Variants in MINDY4 observed in about 807,000 individuals in gnomAD.
MINDY4 encodes the protein MINDY lysine 48 deubiquitinase 4.
A neutral mutation model predicts 87.0 loss-of-function variants in MINDY4; 68 were observed. That is an observed-to-expected ratio of 0.78 (90% CI 0.64 to 0.96). The LOEUF (loss-of-function observed/expected upper bound fraction) is 0.96. Ranked by LOEUF, MINDY4 falls within the 40% of genes least tolerant of loss-of-function variation. The probability of loss-of-function intolerance (pLI) is 0.00; values close to 1 mark genes in which losing one functional copy is unlikely to be tolerated. For synonymous variants in MINDY4, 379 were observed against 363.2 expected, an observed-to-expected ratio of 1.04 and a Z score of -0.50; for missense variants, 919 against 928.2, an observed-to-expected ratio of 0.99 and a Z score of 0.13.
rs1283184542 is a variant in MINDY4 at position 30,875,529 on chromosome 7, T to C, written c.1844T>C (p.Val615Ala). Residue 615 changes from valine to alanine, a missense_variant, in exon 15 of 18, where the codon GTG becomes GCG. Physicochemically the swap from Val to Ala is moderately conservative, Grantham distance 64. Coordinates refer to ENST00000265299, the MANE Select transcript of MINDY4 (RefSeq NM_032222.3). ...LVNLLLTGKAVSNVFNDVVEL... is the reference protein window; with the variant it reads ...LVNLLLTGKAASNVFNDVVEL... The stretch of plus-strand genomic sequence containing the variant: ...AATCTGCTCCTGACTGGGAAAGCTG[T>C]GTCCAACGTTTTCAACGATGTGGTT... The C allele has an allele frequency of 6.2e-7, 1 of 1,614,266 alleles. No homozygotes were observed. The highest frequency in any genetic ancestry group is 8.5e-7 in the Non-Finnish European group (1 of 1,180,050).
chr7:30,796,790 A>G (rs1787502560), intron 5 of MINDY4: 2 of 152,110 alleles, frequency 1.3e-5, no homozygotes, highest in African/African-American at 4.8e-5. Context: ...TAAAGCCTCC[A>G]TCACAGATGT....
In MINDY4 at chr7:30,791,499, G is replaced by C. The variant is rs766204953; in HGVS notation, c.998G>C (p.Gly333Ala). 3.1e-6 allele frequency: 5 copies of C among 1,613,864 alleles called. No homozygotes were observed. The highest frequency in any genetic ancestry group is 4.2e-6 in the Non-Finnish European group (5 of 1,179,938). ...DRMPLKLYLP[G>A]GNSRMTQERL... is the part of the protein sequence containing the mutation. ...ATGCCCTTGAAGCTCTACTTGCCTG[G>C]TGGTAATTCCAGGATGACCCAGGAG... The change falls in exon 5 of 18, where the codon GGT becomes GCT. Residue 333 changes from glycine (G) to alanine (A), a missense_variant. Physicochemically the swap from Gly to Ala is moderately conservative, Grantham distance 60. Coordinates refer to ENST00000265299, the MANE Select transcript of MINDY4 (RefSeq NM_032222.3).
At chr7:30,890,972 A>G (rs1279645877) in intron 17 of MINDY4, among the ~76,000 whole-genome samples, 1 of 152,162 alleles carries the variant, frequency 6.6e-6, no homozygotes, top group Non-Finnish European at 1.5e-5. Context: ...TGAAGTGAGA[A>G]AAGCTTCCCC....
intron 2 of MINDY4, 91 bp downstream of exon 2, chr7:30,778,642 T>C: frequency 6.8e-7 from 1 of 1,480,048 alleles, no homozygotes; most frequent in South Asian, 1.2e-5. Context: ...CAGGAGAGGC[T>C]TGAGGTTCTC....
intron 3 of MINDY4, among the ~76,000 whole-genome samples, chr7:30,783,264 C>G (rs1562529238): frequency 6.6e-6 from 1 of 152,122 alleles, no homozygotes; most frequent in African/African-American, 2.4e-5. Flanking sequence ...ACTCTAGCCT[C>G]TGCTTGTGTT....
intron 5 of MINDY4, among the ~76,000 whole-genome samples, chr7:30,818,696 T>A (rs940654901): frequency 6.6e-6 from 1 of 152,224 alleles, no homozygotes; most frequent in African/African-American, 2.4e-5. Flanking sequence ...AACACATCAG[T>A]AAAACTCTTC....
intron 16 of MINDY4, 90 bp downstream of exon 16, chr7:30,882,451 A>C: frequency 4.6e-6 from 5 of 1,080,506 alleles, no homozygotes; most frequent in Non-Finnish European, 5.0e-6. Flanking sequence ...TCCACCACCA[A>C]CCCCCATGAC....
At chr7:30,785,711 G>A in intron 3 of MINDY4, 38 bp from the exon 4 acceptor site, 1 of 1,610,276 alleles carries the variant, frequency 6.2e-7, no homozygotes, top group Non-Finnish European at 8.5e-7. Flanking sequence ...GATTCCTTTT[G>A]GGGAGTCTGT....
chr7:30,828,594 C>A, intron 5 of MINDY4, 85 bp from the exon 6 acceptor site: 1 of 1,368,638 alleles, frequency 7.3e-7, no homozygotes, highest in Non-Finnish European at 1.0e-6. Flanking sequence ...TCCTGAATGC[C>A]TATCCATCGC....
chr7:30,798,963 C>T (rs1486868914), intron 5 of MINDY4, among the ~76,000 whole-genome samples: 2 of 152,130 alleles, frequency 1.3e-5, no homozygotes, highest in African/African-American at 4.8e-5. Context: ...TTTATTGAAG[C>T]TGTTTAAGAG....
chr7:30,889,157 A>G (rs1467177983), intron 17 of MINDY4, among the ~76,000 whole-genome samples: 3 of 152,208 alleles, frequency 2.0e-5, no homozygotes, highest in East Asian at 1.9e-4. Context: ...TTAGTGTCCA[A>G]GATTTCAATG....
At chr7:30,835,891 C>T (rs1484376171) in intron 6 of MINDY4, among the ~76,000 whole-genome samples, 2 of 152,234 alleles carry the variant, frequency 1.3e-5, no homozygotes, top group East Asian at 1.9e-4. Flanking sequence ...GGGGAAGTCA[C>T]AGCTGGGACC....
At position 30,840,776 on chromosome 7, in the gene MINDY4, T is replaced by G. The variant is rs1584300208; in HGVS notation, c.1373T>G (p.Val458Gly). 1 of 1,614,048 alleles carries G rather than the reference T, an allele frequency of 6.2e-7. No individual in the cohort carries two copies. The highest frequency in any genetic ancestry group is 8.5e-7 in the Non-Finnish European group (1 of 1,179,978). ...TCTTTGCAGGGTGGTCCTTGCGGAG[T>G]CCTGGCAGCTGTCCAAGGCTGTGTC... ...IVQNKGGPCGVLAAVQGCVLQ... is the reference protein window; with the variant it reads ...IVQNKGGPCGGLAAVQGCVLQ... The change falls in exon 9 of 18, where the codon GTC (valine) becomes GGC (glycine). Residue 458 changes from valine to glycine, a missense_variant. Coordinates refer to ENST00000265299, the MANE Select transcript of MINDY4 (RefSeq NM_032222.3).
chr7:30,791,202 C>T lies in MINDY4; in HGVS notation c.701C>T (p.Pro234Leu), dbSNP rs957237326. 1.2e-5 allele frequency: 20 copies of T among 1,613,822 alleles called. No homozygotes were observed. Among genetic ancestry groups the T allele is most frequent in the African/African-American group, 9.3e-5 (7 of 74,916 alleles). Residue 234 changes from proline (P) to leucine (L), a missense_variant, in exon 5 of 18, where the codon CCG (proline) becomes CTG (leucine). Physicochemically the swap from Pro to Leu is moderately conservative, Grantham distance 98 (BLOSUM62 -3). Transcript: ENST00000265299. ...AGACACTATCTGAGACGGTCCTCAC[C>T]GTCAAGCAGCTCCACCCAACCCCAA... is the stretch of plus-strand genomic sequence containing the variant. ...FHRHYLRRSS[P>L]SSSSTQPQEE...
At chr7:30,868,618 T>C (rs1192190705) in intron 13 of MINDY4, among the ~76,000 whole-genome samples, 3 of 152,192 alleles carry the variant, frequency 2.0e-5, no homozygotes, top group Non-Finnish European at 2.9e-5. Context: ...TCTCTGGGCA[T>C]TCATCTGACC....
chr7:30,863,322 A>G (rs1189871257), intron 13 of MINDY4, among the ~76,000 whole-genome samples: 2 of 152,218 alleles, frequency 1.3e-5, no homozygotes, highest in Non-Finnish European at 2.9e-5. Flanking sequence ...TTCTTTACAA[A>G]TACAGCATGT....
At chr7:30,809,523 TC>T (rs1174512206) in intron 5 of MINDY4, among the ~76,000 whole-genome samples, 14 of 151,448 alleles carry the variant, frequency 9.2e-5, no homozygotes, top group African/African-American at 3.2e-4. Context: ...GACAGGACCA[TC>T]GATGGTTCCT....
At chr7:30,800,891 A>T (rs1316209958) in intron 5 of MINDY4, among the ~76,000 whole-genome samples, 2 of 152,202 alleles carry the variant, frequency 1.3e-5, no homozygotes, top group Non-Finnish European at 2.9e-5. Context: ...TGGACAGTAG[A>T]TGGCAGCAGA....
Position 30,892,081 on chromosome 7 carries a change from T to A in MINDY4, c.*76T>A. ...GAGGATGACAGCTGAACCCCAAGCC[T>A]CTGGGGCAGGTCTCATGTACCCCAA... On this transcript the variant is annotated 3_prime_UTR_variant, in exon 18 of 18. Transcript: ENST00000265299. The A allele has an allele frequency of 6.5e-7, 1 of 1,532,836 alleles. No individual in the cohort carries two copies. Among genetic ancestry groups the A allele is most frequent in the East Asian group, 2.2e-5 (1 of 44,508 alleles). 95.0% of individuals were successfully genotyped at this position (1,532,836 alleles called of 1,614,324 possible).
Sources: allele counts gnomAD v4.1 joint callset (sites outside exome capture counted in the v4.1 genomes callset), GRCh38; gene constraint gnomAD v4.1.1; transcripts MANE v1.5; gene names NCBI Gene and HGNC (gene_info 2026-07-23, HGNC 2026-07-21).